Variants in USB1 observed in about 807,000 individuals in gnomAD.
The protein encoded by USB1 is U6 snRNA biogenesis phosphodiesterase 1.
Under a neutral mutation model 29.9 loss-of-function variants are expected in USB1, and 21 were observed. The ratio of observed to expected loss-of-function variants is 0.70; its 90% CI spans 0.50 to 1.01. The LOEUF (loss-of-function observed/expected upper bound fraction) is 1.01. Among genes scored for constraint, USB1 ranks in the 50% least tolerant of loss-of-function variants. The probability of loss-of-function intolerance (pLI) is 0.00; values close to 1 mark genes in which losing one functional copy is unlikely to be tolerated. For synonymous variants in USB1, 143 were observed against 134.9 expected (o/e 1.06, Z -0.42); for missense variants, 330 against 347.1 (o/e 0.95, Z 0.39).
At chr16:58,020,043 C>T in intron 6 of USB1, 98 bp from the exon 7 acceptor site, 2 of 1,167,350 alleles carry the variant, frequency 1.7e-6, no homozygotes, top group South Asian at 1.3e-5. Context: ...TCAGCCTCGC[C>T]CAGCCTCTGA....
At chr16:58,007,754 A>G (rs1220596378) in intron 2 of USB1, among the ~76,000 whole-genome samples, 1 of 152,104 alleles carries the variant, frequency 6.6e-6, no homozygotes, top group Non-Finnish European at 1.5e-5. Context: ...TGGGAGGCCA[A>G]CACGGGCAGA....
Position 58,015,160 on chromosome 16 carries a change from T to C in USB1, c.503+834T>C, listed in dbSNP as rs542293326. The C allele has an allele frequency of 5.3e-5, 8 of 152,196 alleles. No individual in the cohort carries two copies. The South Asian group carries it at 6.2e-4, about 12-fold the overall frequency. The allele number at this position is 152,196 out of a possible 1,614,324, so 9.4% of individuals were successfully genotyped here. A position where few individuals can be genotyped will look rare whatever the true frequency, so the allele number is the denominator to read the frequency against. ...CATGTAGTGGGGTGGTGCCCAGAGA[T>C]TGAGAGAAGCATCTTGGTTTAGTGA... On this transcript the variant is annotated intron_variant, in intron 4 of 6. Coordinates refer to ENST00000219281, the MANE Select transcript of USB1 (RefSeq NM_024598.4).
intron 3 of USB1, 154 bp downstream of exon 3, chr16:58,010,266 C>A: frequency 1.1e-6 from 1 of 896,328 alleles, no homozygotes; most frequent in Non-Finnish European, 1.7e-6. Flanking sequence ...TCTCATCCTC[C>A]GTGACCTTGG....
chr16:58,013,422 A>G lies in USB1; in HGVS notation c.450-851A>G. On this transcript the variant is annotated intron_variant, in intron 3 of 6. Transcript: ENST00000219281. The surrounding 1 kb of genome is among the most constrained non-coding windows in gnomAD (Gnocchi z 4.3). ...GTGAGGCTCTACCCAGCATGCTGGT[A>G]TATTATGTTCCCTCAGATGGGGGTG... The G allele has an allele frequency of 4.1e-6, 4 of 985,396 alleles. No homozygotes were observed. The highest frequency in any genetic ancestry group is 4.8e-6 in the Non-Finnish European group (4 of 829,952). The allele number at this position is 985,396 out of a possible 1,614,324, so 61.0% of individuals were successfully genotyped here.
chr16:58,008,373 A>G (rs1963408772), intron 2 of USB1, among the ~76,000 whole-genome samples: 1 of 151,756 alleles, frequency 6.6e-6, no homozygotes, highest in Admixed American at 6.6e-5. Flanking sequence ...ACTTCTGCTT[A>G]CTTTGGATTA....
chr16:58,019,552 G>A (rs1963692398), intron 6 of USB1, among the ~76,000 whole-genome samples: 1 of 152,168 alleles, frequency 6.6e-6, no homozygotes, highest in East Asian at 1.9e-4. Context: ...TGCGCCCTTG[G>A]AGGAGAACCA....
At chr16:58,005,338 C>T (rs1181773424) in intron 2 of USB1, among the ~76,000 whole-genome samples, 2 of 152,092 alleles carry the variant, frequency 1.3e-5, no homozygotes, top group South Asian at 2.1e-4. Context: ...TGCTAAGTAG[C>T]GGGTGTTTTC....
Position 58,018,540 on chromosome 16 carries a change from T to C in USB1, c.610-432T>C, listed in dbSNP as rs1371984754. Among the ~76,000 whole-genome samples the C allele has an allele frequency of 2.6e-5, 4 of 152,030 alleles. No individual in the cohort carries two copies. In the East Asian group the frequency reaches 7.7e-4, roughly 29 times the overall value. On this transcript the variant is annotated intron_variant, in intron 5 of 6. Coordinates refer to ENST00000219281, the MANE Select transcript of USB1 (RefSeq NM_024598.4). The stretch of plus-strand genomic sequence containing the variant: ...CACCCGGCCAAGCGTGGTCGGTTTC[T>C]GGTGAGGGTTCTTCCTGGCATATAG...
In USB1 at chr16:58,001,458, G is replaced by A. The variant is rs201250414; in HGVS notation, c.-26G>A. ...GCCGGTTGAGGTTGCTGGTGGACCTGCTCTGGTGGTCTTGGATGAGGCCCC... is the reference window on the plus strand; with the variant it reads ...GCCGGTTGAGGTTGCTGGTGGACCTACTCTGGTGGTCTTGGATGAGGCCCC... On this transcript the variant is annotated 5_prime_UTR_variant, in exon 1 of 7. Transcript: ENST00000219281. 9 of 1,581,192 alleles carry A rather than the reference G, an allele frequency of 5.7e-6. No individual in the cohort carries two copies. In the African/African-American group the frequency reaches 9.4e-5, roughly 17 times the overall value.
rs1440873930 is a variant in USB1 at position 58,020,437 on chromosome 16, CTT to C, written c.*194_*195del. ...CTCTCTCTCTCTTTCTCTTCCTCTT[CTT>C]TCTCTCTCTTCTCCTCTCTTTCTCT... On this transcript the variant is annotated 3_prime_UTR_variant, in exon 7 of 7. Transcript: ENST00000219281. The C allele has an allele frequency of 4.7e-6, 3 of 633,304 alleles. No individual in the cohort carries two copies. The highest frequency in any genetic ancestry group is 5.5e-5 in the East Asian group (2 of 36,284). The allele number at this position is 633,304 out of a possible 1,614,324, so 39.2% of individuals were successfully genotyped here. A position where few individuals can be genotyped will look rare whatever the true frequency, so the allele number is the denominator to read the frequency against.
At chr16:58,015,560 A>G (rs1963596604) in intron 4 of USB1, 1 of 152,196 alleles carries the variant, frequency 6.6e-6, no homozygotes. Context: ...AGGATTCATC[A>G]GTGAAGAGGT....
intron 3 of USB1, chr16:58,012,143 C>G: frequency 7.1e-7 from 1 of 1,416,960 alleles, no homozygotes; most frequent in Non-Finnish European, 9.2e-7. Context: ...TAGGAAACTG[C>G]TCAGTTAGCT....
Position 58,020,534 on chromosome 16 carries a change from C to G in USB1, c.*289C>G. On this transcript the variant is annotated 3_prime_UTR_variant, in exon 7 of 7. Transcript: ENST00000219281. Reference sequence around the variant, plus strand: ...TCTCCTCTCTCTCTTCCTCTTCTCTCTCTTCCCCTCCTGTCTCTCCTCCCC... The same window carrying G: ...TCTCCTCTCTCTCTTCCTCTTCTCTGTCTTCCCCTCCTGTCTCTCCTCCCC... 1.3e-5 allele frequency: 6 copies of G among 455,240 alleles called. No homozygotes were observed. Among genetic ancestry groups the G allele is most frequent in the Non-Finnish European group, 2.4e-5 (6 of 251,126 alleles). The allele number at this position is 455,240 out of a possible 1,614,324, so 28.2% of individuals were successfully genotyped here.
At chr16:58,017,996 T>C (rs1176739673) in intron 5 of USB1, among the ~76,000 whole-genome samples, 1 of 152,206 alleles carries the variant, frequency 6.6e-6, no homozygotes, top group African/African-American at 2.4e-5. Context: ...CTGAAAAGTA[T>C]GGTGTATACT....
At position 58,020,376 on chromosome 16, in the gene USB1, T is replaced by G. The variant is rs1597056929; in HGVS notation, c.*131T>G. 1.3e-6 allele frequency: 1 copy of G among 782,696 alleles called. No individual in the cohort carries two copies. The allele number at this position is 782,696 out of a possible 1,614,324, so 48.5% of individuals were successfully genotyped here. ...GCCATGCCTTCAACCTGGCAGGAGG[T>G]GTAGCCACTCCTCATCCTCCCTGAG... On this transcript the variant is annotated 3_prime_UTR_variant, in exon 7 of 7. Coordinates refer to ENST00000219281, the MANE Select transcript of USB1 (RefSeq NM_024598.4).
At chr16:58,012,036 G>A (rs1963508176) in intron 3 of USB1, 2 of 1,236,886 alleles carry the variant, frequency 1.6e-6, no homozygotes. Context: ...ATGTGTGGCT[G>A]TGTAAAACAG....
intron 3 of USB1, chr16:58,012,281 G>GTTGA (rs1288394971): frequency 1.1e-5 from 17 of 1,535,302 alleles, no homozygotes; most frequent in African/African-American, 6.8e-5. Flanking sequence ...TCATTATCAA[G>GTTGA]TTGATTGATT....
chr16:58,005,477 CTT>C (rs1963329102), intron 2 of USB1, among the ~76,000 whole-genome samples: 1 of 152,234 alleles, frequency 6.6e-6, no homozygotes, highest in African/African-American at 2.4e-5. Context: ...GGCTCGCACT[CTT>C]GTCTTCTGGT....
intron 1 of USB1, among the ~76,000 whole-genome samples, 200 bp from the exon 2 acceptor site, chr16:58,002,279 A>G (rs572223327): frequency 6.6e-6 from 1 of 151,802 alleles, no homozygotes; most frequent in African/African-American, 2.4e-5. Flanking sequence ...TCCCATGGGG[A>G]CCTTGTGCCC....
Sources: allele counts gnomAD v4.1 joint callset (sites outside exome capture counted in the v4.1 genomes callset), GRCh38; gene constraint gnomAD v4.1.1; non-coding constraint Gnocchi (gnomAD v3.1); transcripts MANE v1.5; gene names NCBI Gene and HGNC (gene_info 2026-07-23, HGNC 2026-07-21).